The following SYNE1 variants were observed in gnomAD, a reference collection of about 807,000 sequenced individuals.
The protein encoded by SYNE1 is spectrin repeat containing nuclear envelope protein 1, also known as nesprin-1.
A neutral mutation model predicts 1,111.0 loss-of-function variants in SYNE1; 616 were observed. That is an observed-to-expected ratio of 0.55 (90% CI 0.52 to 0.59). The LOEUF (loss-of-function observed/expected upper bound fraction) is 0.59, where lower values mean the gene tolerates loss of function less well. Among genes scored for constraint, SYNE1 ranks in the 20% least tolerant of loss-of-function variants. The pLI, the probability that SYNE1 is intolerant of heterozygous loss-of-function variation, is 0.00. For synonymous variants in SYNE1, 3,855 were observed against 3,825.8 expected, an observed-to-expected ratio of 1.01 and a Z score of -0.28; for missense variants, 10,006 against 10,417.0, an observed-to-expected ratio of 0.96 and a Z score of 1.72.
intron 127 of SYNE1, among the ~76,000 whole-genome samples, chr6:152,198,102 G>A (rs538671650): frequency 2.7e-5 from 4 of 148,946 alleles, no homozygotes; most frequent in African/African-American, 9.8e-5. Context: ...GGGAGGGAGG[G>A]AGGGTAACCA....
chr6:152,450,291 C>T (rs1197124183), intron 27 of SYNE1, among the ~76,000 whole-genome samples: 1 of 152,198 alleles, frequency 6.6e-6, no homozygotes, highest in African/African-American at 2.4e-5. Flanking sequence ...CCCAGCCATG[C>T]TGATCTGTGA....
chr6:152,582,226 A>G (rs916945373), intron 3 of SYNE1, among the ~76,000 whole-genome samples: 2 of 152,136 alleles, frequency 1.3e-5, no homozygotes, highest in African/African-American at 4.8e-5. Flanking sequence ...GGCAGCTGGT[A>G]AAAATTCTCC....
chr6:152,620,170 C>A (rs1252752958), intron 3 of SYNE1, among the ~76,000 whole-genome samples: 1 of 152,130 alleles, frequency 6.6e-6, no homozygotes, highest in Non-Finnish European at 1.5e-5. Flanking sequence ...CCTCCTTGAA[C>A]TCATTCTTTG....
intron 64 of SYNE1, among the ~76,000 whole-genome samples, chr6:152,360,043 G>C (rs1034961142): frequency 1.3e-5 from 2 of 152,186 alleles, no homozygotes; most frequent in African/African-American, 4.8e-5. Context: ...ATCCCAGGCA[G>C]ATTCCTGGCC....
At chr6:152,480,768 T>C (rs1385565878) in intron 14 of SYNE1, 2 of 456,190 alleles carry the variant, frequency 4.4e-6, no homozygotes, top group Non-Finnish European at 8.8e-6. Context: ...CTTTATTACA[T>C]TCCTTAGTTT....
intron 5 of SYNE1, 89 bp downstream of exon 5, chr6:152,525,991 G>T: frequency 8.4e-7 from 1 of 1,184,394 alleles, no homozygotes; most frequent in Non-Finnish European, 1.3e-6. Flanking sequence ...TTTTACCTGG[G>T]CAGCACATCT....
At chr6:152,388,244 A>AC (rs2097552948) in intron 53 of SYNE1, among the ~76,000 whole-genome samples, 1 of 143,848 alleles carries the variant, frequency 7.0e-6, no homozygotes, top group South Asian at 2.2e-4. Context: ...TCTAAAAAGC[A>AC]CCCCCCGCCT....
At chr6:152,479,680 T>A (rs1359881540) in intron 14 of SYNE1, among the ~76,000 whole-genome samples, 1 of 152,224 alleles carries the variant, frequency 6.6e-6, no homozygotes, top group Non-Finnish European at 1.5e-5. Flanking sequence ...AAGTCCTCCA[T>A]AATAGTTGGC....
intron 3 of SYNE1, among the ~76,000 whole-genome samples, chr6:152,594,726 C>A (rs1208561307): frequency 2.0e-5 from 3 of 152,184 alleles, no homozygotes; most frequent in Non-Finnish European, 4.4e-5. Flanking sequence ...ACAAAAAACT[C>A]TTCCAAGGAA....
intron 3 of SYNE1, among the ~76,000 whole-genome samples, chr6:152,574,896 GT>G (rs1236952871): frequency 1.3e-5 from 2 of 151,782 alleles, no homozygotes; most frequent in African/African-American, 2.4e-5. Context: ...TTTGTTTTTT[GT>G]TTTGTTTGTT....
At chr6:152,558,472 T>C (rs1027134422) in intron 3 of SYNE1, among the ~76,000 whole-genome samples, 55 of 152,156 alleles carry the variant, frequency 3.6e-4, no homozygotes, top group Non-Finnish European at 4.4e-5. Context: ...AGGAAGCACA[T>C]AGTCTGAAAG....
intron 3 of SYNE1, among the ~76,000 whole-genome samples, chr6:152,595,271 G>T (rs955803020): frequency 2.0e-5 from 3 of 151,954 alleles, no homozygotes; most frequent in African/African-American, 7.2e-5. Context: ...GCCCCAGCCT[G>T]TTCAATAAAA....
chr6:152,416,873 T>C lies in SYNE1; in HGVS notation c.5564A>G (p.Glu1855Gly). 2 of 1,613,892 alleles carry C rather than the reference T, an allele frequency of 1.2e-6. No homozygotes were observed. The highest frequency in any genetic ancestry group is 2.2e-5 in the South Asian group (2 of 91,082). Reference sequence around the variant, plus strand: ...CCGCCTCTCCACAACCTGGCTGGCCTCCTCAAACAGCTGGAAGCAGTCCTC... The same window carrying C: ...CCGCCTCTCCACAACCTGGCTGGCCCCCTCAAACAGCTGGAAGCAGTCCTC... ...KAEDCFQLFE[E>G]ASQVVERRQL... Residue 1855 changes from glutamate (E) to glycine (G), a missense_variant, in exon 41 of 146, where the codon GAG becomes GGG. Physicochemically the swap from Glu to Gly is moderately conservative, Grantham distance 98. Coordinates refer to ENST00000367255, the MANE Select transcript of SYNE1 (RefSeq NM_182961.4).
At chr6:152,277,964 C>T (rs554933705) in intron 98 of SYNE1, 125 bp downstream of exon 98, 5 of 1,004,758 alleles carry the variant, frequency 5.0e-6, no homozygotes, top group South Asian at 1.3e-5. Context: ...AAAATGTCAG[C>T]GTAAAGCAGG....
Position 152,221,469 on chromosome 6 carries a change from C to T in SYNE1, c.21613G>A (p.Val7205Met), listed in dbSNP as rs377449974. The change falls in exon 118 of 146, where the codon GTG (valine) becomes ATG (methionine). Residue 7205 changes from valine to methionine, a missense_variant. By Grantham distance (21) the Val-to-Met change is conservative (BLOSUM62 1). Transcript: ENST00000367255. ...AGTGTATTGGTAAGAGTTTCTGTCA[C>T]GGGTGGGTGACACTCTTTTAATAAT... ...NQLLKECHPPVTETLTNTLKE... is the reference protein window; with the variant it reads ...NQLLKECHPPMTETLTNTLKE... 2.5e-5 allele frequency: 40 copies of T among 1,613,842 alleles called. No homozygotes were observed. The highest frequency in any genetic ancestry group is 1.7e-4 in the African/African-American group (13 of 74,960).
rs1315162144 is a variant in SYNE1, at chr6:152,329,727, C to A, written c.14955+3G>T. On this transcript the variant is annotated splice_donor_region_variant and intron_variant, in intron 78 of 145. Coordinates refer to ENST00000367255, the MANE Select transcript of SYNE1 (RefSeq NM_182961.4). ...AAGAGAAGTGAAGTCCTATTATACC[C>A]ACCTGTCTGGTGCGTAAGGCTTCCT... 3 of 1,614,150 alleles carry A rather than the reference C, an allele frequency of 1.9e-6. No individual in the cohort carries two copies. Among genetic ancestry groups the A allele is most frequent in the Non-Finnish European group, 2.5e-6 (3 of 1,180,036 alleles).
intron 137 of SYNE1, chr6:152,144,561 G>A (rs2059122416): frequency 6.6e-6 from 1 of 152,294 alleles, no homozygotes; most frequent in Admixed American, 6.5e-5. Flanking sequence ...CTAGCATGGG[G>A]TGAAAGCAGA....
intron 107 of SYNE1, 138 bp downstream of exon 107, chr6:152,242,102 G>T: frequency 4.7e-6 from 4 of 846,476 alleles, no homozygotes; most frequent in South Asian, 1.5e-5. Flanking sequence ...AAATTTTTTG[G>T]CCATTTTTAA....
chr6:152,507,942 A>G (rs191458607), intron 8 of SYNE1, among the ~76,000 whole-genome samples: 3 of 152,338 alleles, frequency 2.0e-5, no homozygotes, highest in Admixed American at 2.0e-4. Context: ...AAAACAGTGG[A>G]TACATCCTGA....
Sources: allele counts gnomAD v4.1 joint callset (sites outside exome capture counted in the v4.1 genomes callset), GRCh38; gene constraint gnomAD v4.1.1; transcripts MANE v1.5; gene names NCBI Gene and HGNC (gene_info 2026-07-23, HGNC 2026-07-21).